The following RASSF3 variants were observed in gnomAD, a reference collection of about 807,000 sequenced individuals.
RASSF3 encodes Ras association domain family member 3, also known as ras association domain-containing protein 3.
RASSF3 carries 19 observed loss-of-function variants against 19.9 expected under a neutral mutation model. That is an observed-to-expected ratio of 0.96 (90% CI 0.67 to 1.40). The LOEUF (loss-of-function observed/expected upper bound fraction) is 1.40. Among genes scored for constraint, RASSF3 ranks in the 40% most tolerant of loss-of-function variants. The probability of loss-of-function intolerance (pLI) is 0.00; values close to 1 mark genes in which losing one functional copy is unlikely to be tolerated. For missense variants in RASSF3, 306 were observed against 289.8 expected, an observed-to-expected ratio of 1.06 and a Z score of -0.41; for synonymous variants, 110 against 104.2, an observed-to-expected ratio of 1.06 and a Z score of -0.34.
upstream of RASSF3, among the ~76,000 whole-genome samples, chr12:64,608,316 A>G (rs886497981): frequency 4.6e-5 from 7 of 151,258 alleles, no homozygotes; most frequent in Non-Finnish European, 2.9e-5. Context: ...GGTGCATCAT[A>G]AAGTTTATTT....
chr12:64,665,270 C>T (rs1245182), intron 1 of RASSF3, among the ~76,000 whole-genome samples: 93,844 of 151,998 alleles, frequency 0.62, 30,333 homozygotes, highest in African/African-American at 0.82. Flanking sequence ...TTTTGCAAGG[C>T]TCATGTGACA....
chr12:64,571,242 A>G (rs1438039530), intron 2 of RASSF3, among the ~76,000 whole-genome samples: 1 of 152,124 alleles, frequency 6.6e-6, no homozygotes, highest in Non-Finnish European at 1.5e-5. Flanking sequence ...AAAAACAAAA[A>G]TAAAAGAATG....
downstream of RASSF3, among the ~76,000 whole-genome samples, chr12:64,546,018 C>G (rs888388203): frequency 1.4e-5 from 2 of 144,264 alleles, 1 homozygote; most frequent in African/African-American, 5.2e-5. Flanking sequence ...ATGGCGTGAA[C>G]CAGGGAGGCG....
intron 1 of RASSF3, among the ~76,000 whole-genome samples, chr12:64,508,031 C>G (rs1868302441): frequency 6.6e-6 from 1 of 152,158 alleles, no homozygotes; most frequent in Admixed American, 6.5e-5. Flanking sequence ...CTACTGTAAG[C>G]CAATTCTCTC....
At chr12:64,564,786 T>C (rs1186503513) in intron 2 of RASSF3, among the ~76,000 whole-genome samples, 1 of 148,162 alleles carries the variant, frequency 6.7e-6, no homozygotes, top group Non-Finnish European at 1.5e-5. Flanking sequence ...TTTTGTTTTT[T>C]GTTTTTTTTT....
At chr12:64,679,171 TCCTGCCTCAG>T (rs1873023880) in intron 1 of RASSF3, among the ~76,000 whole-genome samples, 1 of 152,338 alleles carries the variant, frequency 6.6e-6, no homozygotes, top group African/African-American at 2.4e-5. Flanking sequence ...CAAGTGATTC[TCCTGCCTCAG>T]CCTGCTGAGT....
chr12:64,517,087 T>C (rs1708702539), intron 1 of RASSF3, among the ~76,000 whole-genome samples: 2 of 150,258 alleles, frequency 1.3e-5, no homozygotes, highest in South Asian at 2.1e-4. Context: ...CCATAACTAA[T>C]AGTTTTTCTT....
At chr12:64,650,060 T>C (rs905812586) in intron 1 of RASSF3, among the ~76,000 whole-genome samples, 2 of 152,230 alleles carry the variant, frequency 1.3e-5, no homozygotes, top group Non-Finnish European at 2.9e-5. Context: ...ACCAGCATTG[T>C]TTAGTGGGAC....
intron 1 of RASSF3, among the ~76,000 whole-genome samples, chr12:64,519,944 C>T (rs1196898897): frequency 1.3e-5 from 2 of 151,970 alleles, no homozygotes; most frequent in Non-Finnish European, 2.9e-5. Context: ...TAATCCCAGT[C>T]CCTCCCCCTG....
At chr12:64,546,760 C>A (rs1869070548) in intron 2 of RASSF3, among the ~76,000 whole-genome samples, 1 of 152,156 alleles carries the variant, frequency 6.6e-6, no homozygotes, top group Admixed American at 6.5e-5. Flanking sequence ...ATATGTGTGT[C>A]AGCTGATTAT....
At chr12:64,689,861 C>T (rs955898190) in intron 3 of RASSF3, among the ~76,000 whole-genome samples, 78 of 138,882 alleles carry the variant, frequency 5.6e-4, no homozygotes, top group Middle Eastern at 4.7e-3. Flanking sequence ...AATCTTGGCT[C>T]ACTGCAAGCT....
At chr12:64,618,623 G>A (rs1326117606) in intron 1 of RASSF3, among the ~76,000 whole-genome samples, 4 of 151,074 alleles carry the variant, frequency 2.6e-5, no homozygotes, top group African/African-American at 7.4e-5. Flanking sequence ...CACCACGCCC[G>A]GCCTTTTGTT....
At chr12:64,647,700 C>T (rs890553336) in intron 1 of RASSF3, among the ~76,000 whole-genome samples, 40 of 151,790 alleles carry the variant, frequency 2.6e-4, no homozygotes, top group African/African-American at 6.8e-4. Flanking sequence ...CATGAACCAC[C>T]GCGCCCGGCC....
intron 1 of RASSF3, among the ~76,000 whole-genome samples, chr12:64,639,844 C>G (rs1441525123): frequency 1.3e-5 from 2 of 152,220 alleles, no homozygotes; most frequent in Non-Finnish European, 2.9e-5. Context: ...TAACTACCTA[C>G]TGGGAGGAAT....
intron 1 of RASSF3, among the ~76,000 whole-genome samples, chr12:64,642,638 CAA>C (rs1045739657): frequency 1.6e-5 from 2 of 125,766 alleles, no homozygotes; most frequent in Non-Finnish European, 3.4e-5. Context: ...TTAATTAATA[CAA>C]AGTTAATTAA....
At chr12:64,556,305 C>T (rs1869255358) in intron 2 of RASSF3, among the ~76,000 whole-genome samples, 1 of 152,150 alleles carries the variant, frequency 6.6e-6, no homozygotes, top group Non-Finnish European at 1.5e-5. Context: ...CAGGCATGCA[C>T]ACCACACCCA....
At chr12:64,644,164 C>A (rs1422210383) in intron 1 of RASSF3, among the ~76,000 whole-genome samples, 2 of 152,080 alleles carry the variant, frequency 1.3e-5, no homozygotes, top group African/African-American at 4.8e-5. Flanking sequence ...CATTAAAAAA[C>A]CTGAAGCACA....
chr12:64,607,398 C>A (rs1870212614), upstream of RASSF3, among the ~76,000 whole-genome samples: 1 of 152,146 alleles, frequency 6.6e-6, no homozygotes, highest in South Asian at 2.1e-4. Context: ...GAGGCAGAGT[C>A]TCCCTGTGTC....
At chr12:64,668,904 C>T (rs1450662718) in intron 1 of RASSF3, among the ~76,000 whole-genome samples, 3 of 151,524 alleles carry the variant, frequency 2.0e-5, no homozygotes, top group Admixed American at 1.3e-4. Flanking sequence ...CTCCTGACCT[C>T]GTGATCTGCC....
Sources: gnomAD v4.1 joint callset for allele counts (sites outside exome capture counted in the v4.1 genomes callset) on GRCh38, gnomAD v4.1.1 for gene constraint, MANE v1.5 for transcripts, NCBI Gene and HGNC (gene_info 2026-07-23, HGNC 2026-07-21) for gene names.